RASSF2: variants seen among roughly 807,000 people sequenced by gnomAD.
RASSF2 encodes Ras association domain family member 2, also known as ras association domain-containing protein 2.
RASSF2 carries 34 observed loss-of-function variants against 46.3 expected under a neutral mutation model. That is an observed-to-expected ratio of 0.73 (90% confidence interval 0.56 to 0.98). The LOEUF (loss-of-function observed/expected upper bound fraction) is 0.98, where lower values mean the gene tolerates loss of function less well. RASSF2 is among the 50% of genes least tolerant of loss of function. RASSF2 has a pLI of 0.00. For synonymous variants in RASSF2, 158 were observed against 162.5 expected (o/e 0.97, Z 0.21); for missense variants, 364 against 431.2 (o/e 0.84, Z 1.38).
At chr20:4,796,771 T>C (rs569142258) in intron 4 of RASSF2, among the ~76,000 whole-genome samples, 1 of 152,372 alleles carries the variant, frequency 6.6e-6, no homozygotes, top group Non-Finnish European at 1.5e-5. Flanking sequence ...ATTTATTCTA[T>C]AGGACATAAC....
intron 2 of RASSF2, among the ~76,000 whole-genome samples, chr20:4,810,719 T>C (rs1256664240): frequency 6.6e-6 from 1 of 152,168 alleles, no homozygotes; most frequent in Non-Finnish European, 1.5e-5. Flanking sequence ...TTTCTGGTTG[T>C]AGAGCAGGGG....
intron 2 of RASSF2, among the ~76,000 whole-genome samples, chr20:4,815,347 C>A (rs543469921): frequency 5.3e-5 from 8 of 151,898 alleles, no homozygotes; most frequent in African/African-American, 1.9e-4. Context: ...GCTGTAAGAC[C>A]CTACACGGCA....
At chr20:4,818,654 G>A (rs997464771) in intron 2 of RASSF2, among the ~76,000 whole-genome samples, 6 of 152,158 alleles carry the variant, frequency 3.9e-5, no homozygotes, top group South Asian at 2.1e-4. Context: ...ACCAAGAGCC[G>A]GGTGTTAAAT....
intron 5 of RASSF2, among the ~76,000 whole-genome samples, chr20:4,793,497 C>T (rs770336279): frequency 1.4e-4 from 21 of 152,160 alleles, no homozygotes; most frequent in Admixed American, 5.2e-4. Flanking sequence ...TAATTTAACT[C>T]ATATACTTCT....
At position 4,784,044 on chromosome 20, in the gene RASSF2, A is replaced by C; in HGVS notation, c.*229T>G. 1.8e-6 allele frequency: 1 copy of C among 570,678 alleles called. No homozygotes were observed. The highest frequency in any genetic ancestry group is 2.9e-5 in the East Asian group (1 of 33,996). 35.4% of individuals were successfully genotyped at this position (570,678 alleles called of 1,614,324 possible). ...CACACACACATTTTGGGTCCTCCTTATAACTAAAATCAAAAGTCCTTGTGA... is the reference window on the plus strand; with the variant it reads ...CACACACACATTTTGGGTCCTCCTTCTAACTAAAATCAAAAGTCCTTGTGA... On this transcript the variant is annotated 3_prime_UTR_variant, in exon 12 of 12. Transcript: ENST00000379400.
intron 2 of RASSF2, among the ~76,000 whole-genome samples, chr20:4,806,727 G>A (rs552369057): frequency 6.6e-6 from 1 of 152,218 alleles, no homozygotes; most frequent in Non-Finnish European, 1.5e-5. Context: ...GGATTACAGT[G>A]AGCCACTGCA....
At chr20:4,797,124 T>C (rs1354669640) in intron 4 of RASSF2, among the ~76,000 whole-genome samples, 1 of 152,194 alleles carries the variant, frequency 6.6e-6, no homozygotes, top group African/African-American at 2.4e-5. Flanking sequence ...TATGTAAACA[T>C]AGGCAATTTA....
rs1191630018 is a variant in RASSF2 at position 4,814,308 on chromosome 20, C to T, written c.-33+8021G>A. On this transcript the variant is annotated intron_variant, in intron 2 of 11. Transcript: ENST00000379400. ...GGTAAGGAGGGGCTGCCTCCGGGTC[C>T]CCTGTTTCCTACAAGCTCAGATTTC... Among the ~76,000 whole-genome samples, 3 of 152,132 alleles carry T rather than the reference C, an allele frequency of 2.0e-5. No homozygotes were observed. The East Asian group carries it at 5.8e-4, about 29-fold the overall frequency.
At chr20:4,820,085 C>T (rs6052904) in intron 2 of RASSF2, among the ~76,000 whole-genome samples, 59 of 152,352 alleles carry the variant, frequency 3.9e-4, no homozygotes, top group African/African-American at 1.4e-3. Flanking sequence ...TTCCCTGGTG[C>T]CTCCTGCCCC....
At position 4,790,623 on chromosome 20, in the gene RASSF2, G is replaced by A; in HGVS notation, c.377-12C>T. 1 of 1,515,104 alleles carries A rather than the reference G, an allele frequency of 6.6e-7. No homozygotes were observed. 93.9% of individuals were successfully genotyped at this position (1,515,104 alleles called of 1,614,324 possible). On this transcript the variant is annotated splice_polypyrimidine_tract_variant and intron_variant, in intron 6 of 11. Coordinates refer to ENST00000379400, the MANE Select transcript of RASSF2 (RefSeq NM_014737.3). The surrounding 1 kb of genome is among the most constrained non-coding windows in gnomAD (Gnocchi z 4.3). ...CAGGCCCCTGGAGTCTGAGAGAGGA[G>A]AGGGAAATGAACTCTGTCTGTCTGG...
intron 2 of RASSF2, among the ~76,000 whole-genome samples, chr20:4,815,573 T>C (rs1885307): frequency 0.99 from 150,628 of 152,354 alleles, 74,467 homozygotes; most frequent in East Asian, 1. Flanking sequence ...AAGGCAGAGA[T>C]CCTCCTTCTC....
intron 2 of RASSF2, among the ~76,000 whole-genome samples, chr20:4,820,553 C>T (rs999191364): frequency 9.2e-5 from 14 of 151,938 alleles, no homozygotes; most frequent in Non-Finnish European, 1.6e-4. Context: ...AATAAAACTT[C>T]TTCTTGGAGA....
At chr20:4,816,368 T>C (rs1481979168) in intron 2 of RASSF2, among the ~76,000 whole-genome samples, 1 of 152,040 alleles carries the variant, frequency 6.6e-6, no homozygotes, top group Non-Finnish European at 1.5e-5. Context: ...AAAGGACAAA[T>C]ATTGTTTGAT....
chr20:4,808,546 G>A lies in RASSF2; in HGVS notation c.-32-7484C>T, dbSNP rs546767784. ...CTGTCACCCAGGCTGGAATGGAGTGGCACGATCACAGGTCACTGCAGCCTT... is the reference window on the plus strand; with the variant it reads ...CTGTCACCCAGGCTGGAATGGAGTGACACGATCACAGGTCACTGCAGCCTT... On this transcript the variant is annotated intron_variant, in intron 2 of 11. Coordinates refer to ENST00000379400, the MANE Select transcript of RASSF2 (RefSeq NM_014737.3). Among the ~76,000 whole-genome samples the A allele has an allele frequency of 1.6e-3, 239 of 150,902 alleles. 1 individual carries two copies. The highest frequency in any genetic ancestry group is 5.6e-3 in the African/African-American group (231 of 40,936).
Position 4,784,013 on chromosome 20 carries a change from C to G in RASSF2, c.*260G>C. ...TGGACACGTACCATGTGTGCACACACATGTACACACACACATTTTGGGTCC... is the reference window on the plus strand; with the variant it reads ...TGGACACGTACCATGTGTGCACACAGATGTACACACACACATTTTGGGTCC... On this transcript the variant is annotated 3_prime_UTR_variant, in exon 12 of 12. Coordinates refer to ENST00000379400, the MANE Select transcript of RASSF2 (RefSeq NM_014737.3). 5.7e-6 allele frequency: 3 copies of G among 528,528 alleles called. 1 individual carries two copies. In the South Asian group the frequency reaches 6.5e-5, roughly 11 times the overall value. 32.7% of individuals were successfully genotyped at this position (528,528 alleles called of 1,614,324 possible). A position where few individuals can be genotyped will look rare whatever the true frequency, so the allele number is the denominator to read the frequency against.
rs959940740 is a variant in RASSF2, at chr20:4,783,501, C to T, written c.*772G>A. 6.6e-6 allele frequency: 1 copy of T among 152,642 alleles called. No individual in the cohort carries two copies. The highest frequency in any genetic ancestry group is 2.4e-5 in the African/African-American group (1 of 41,446). 9.5% of individuals were successfully genotyped at this position (152,642 alleles called of 1,614,324 possible). A position where few individuals can be genotyped will look rare whatever the true frequency, so the allele number is the denominator to read the frequency against. ...ATCTTCTCTGTCTCCTAAAGGTAGCCATGGAGGCAGAGATGGAGGCAGAAT... is the reference window on the plus strand; with the variant it reads ...ATCTTCTCTGTCTCCTAAAGGTAGCTATGGAGGCAGAGATGGAGGCAGAAT... On this transcript the variant is annotated 3_prime_UTR_variant, in exon 12 of 12. Transcript: ENST00000379400.
In RASSF2 at chr20:4,791,214, G is replaced by A. The variant is rs187636269; in HGVS notation, c.377-603C>T. Among the ~76,000 whole-genome samples the A allele has an allele frequency of 4.4e-3, 668 of 152,266 alleles. 4 individuals carry two copies. The highest frequency in any genetic ancestry group is 6.6e-3 in the Non-Finnish European group (449 of 68,016). On this transcript the variant is annotated intron_variant, in intron 6 of 11. Transcript: ENST00000379400. ...CATTCTAGGTACATACAAAATTACA[G>A]AGACAGAGAGTAGAATGGTGGTTGC... is the stretch of plus-strand genomic sequence containing the variant.
rs566385139 is a variant in RASSF2 at position 4,789,771 on chromosome 20, G to A, written c.538-74C>T. 56 of 1,263,172 alleles carry A rather than the reference G, an allele frequency of 4.4e-5. No homozygotes were observed. The African/African-American group carries it at 7.5e-4, about 17-fold the overall frequency. The allele number at this position is 1,263,172 out of a possible 1,614,324, so 78.2% of individuals were successfully genotyped here. On this transcript the variant is annotated intron_variant, in intron 7 of 11. Coordinates refer to ENST00000379400, the MANE Select transcript of RASSF2 (RefSeq NM_014737.3). ...AGTGCTAAAATCCAGGTGCGGTACA[G>A]GGCACAGTGACAACGATACTCAGAA...
chr20:4,817,551 ACT>A (rs1928404690), intron 2 of RASSF2, among the ~76,000 whole-genome samples: 1 of 151,962 alleles, frequency 6.6e-6, no homozygotes, highest in African/African-American at 2.4e-5. Flanking sequence ...CCATGAGCAG[ACT>A]CTACTTGGGT....
Sources: allele counts gnomAD v4.1 joint callset (sites outside exome capture counted in the v4.1 genomes callset), GRCh38; gene constraint gnomAD v4.1.1; non-coding constraint Gnocchi (gnomAD v3.1); transcripts MANE v1.5; gene names NCBI Gene and HGNC (gene_info 2026-07-23, HGNC 2026-07-21).